The following SHISAL1 variants were observed in gnomAD, a reference collection of about 807,000 sequenced individuals.
SHISAL1 encodes shisa like 1, also known as protein shisa-like-1.
SHISAL1 carries 9 observed loss-of-function variants against 22.6 expected under a neutral mutation model. That is an observed-to-expected ratio of 0.40 (90% CI 0.24 to 0.70). The LOEUF is 0.70. SHISAL1 is among the 30% of genes least tolerant of loss of function. The pLI is 0.39. For missense variants in SHISAL1, 246 were observed against 270.6 expected (o/e 0.91, Z 0.64); for synonymous variants, 119 against 115.4 (o/e 1.03, Z -0.20).
chr22:44,313,033 C>A (rs1282600313), upstream of SHISAL1, among the ~76,000 whole-genome samples: 1 of 152,198 alleles, frequency 6.6e-6, no homozygotes, highest in Non-Finnish European at 1.5e-5. Context: ...AGGGCCGCCA[C>A]CTCCCAGGCC....
At chr22:44,254,474 C>T (rs2055070973) in intron 4 of SHISAL1, among the ~76,000 whole-genome samples, 1 of 152,102 alleles carries the variant, frequency 6.6e-6, no homozygotes, top group African/African-American at 2.4e-5. Context: ...GATTCCCCTG[C>T]CCTAGCCTCC....
At chr22:44,257,760 C>T (rs1297301079) in intron 4 of SHISAL1, among the ~76,000 whole-genome samples, 2 of 152,242 alleles carry the variant, frequency 1.3e-5, no homozygotes, top group Non-Finnish European at 1.5e-5. Flanking sequence ...TCTCTGCATG[C>T]ACTTCCCGAA....
chr22:44,286,257 G>C (rs1431717362), intron 3 of SHISAL1, among the ~76,000 whole-genome samples: 2 of 152,170 alleles, frequency 1.3e-5, no homozygotes, highest in African/African-American at 4.8e-5. Flanking sequence ...ATCAGGTTCT[G>C]CCCTCTAGAC....
In SHISAL1 at chr22:44,249,698, CA is replaced by C. The variant is rs1180070216; in HGVS notation, c.*-14del. On this transcript the variant is annotated splice_polypyrimidine_tract_variant and intron_variant, in intron 4 of 4. Transcript: ENST00000381176. ...GCAAAAGCGTTTTCTGGAGGAAATA[CA>C]AGGAAAAAAAGTATCACATGGTGTC... 1.3e-6 allele frequency: 1 copy of C among 778,704 alleles called. No homozygotes were observed. The highest frequency in any genetic ancestry group is 2.4e-6 in the Non-Finnish European group (1 of 417,978). 48.2% of individuals were successfully genotyped at this position (778,704 alleles called of 1,614,324 possible).
Position 44,243,728 on chromosome 22 carries a change from T to C in SHISAL1, c.*5957A>G, listed in dbSNP as rs1483877792. The C allele has an allele frequency of 6.6e-6, 1 of 152,194 alleles. No individual in the cohort carries two copies. The highest frequency in any genetic ancestry group is 1.5e-5 in the Non-Finnish European group (1 of 68,042). 9.4% of individuals were successfully genotyped at this position (152,194 alleles called of 1,614,324 possible). A position where few individuals can be genotyped will look rare whatever the true frequency, so the allele number is the denominator to read the frequency against. ...AGGGACATTGTTATAAAAACTACTG[T>C]ATATAAAGACAAAAGCAGAGCAACA... On this transcript the variant is annotated 3_prime_UTR_variant, in exon 5 of 5. Coordinates refer to ENST00000381176, the MANE Select transcript of SHISAL1 (RefSeq NM_001099294.2).
intron 4 of SHISAL1, among the ~76,000 whole-genome samples, chr22:44,268,696 G>A (rs1246412640): frequency 6.6e-6 from 1 of 152,186 alleles, no homozygotes; most frequent in Non-Finnish European, 1.5e-5. Flanking sequence ...CCTCGGGAAG[G>A]AGCGTGACCT....
At chr22:44,286,903 A>G (rs1221142058) in intron 3 of SHISAL1, among the ~76,000 whole-genome samples, 1 of 152,230 alleles carries the variant, frequency 6.6e-6, no homozygotes, top group East Asian at 1.9e-4. Flanking sequence ...TCCCTGCTGC[A>G]GGCATGTGTT....
intron 3 of SHISAL1, among the ~76,000 whole-genome samples, chr22:44,288,025 C>T (rs967207992): frequency 1.7e-5 from 2 of 120,936 alleles, no homozygotes; most frequent in African/African-American, 5.1e-5. Flanking sequence ...GGCTGGGCCA[C>T]AGGCTGGGCC....
chr22:44,272,426 T>A (rs1174237971), intron 4 of SHISAL1, among the ~76,000 whole-genome samples: 1 of 152,220 alleles, frequency 6.6e-6, no homozygotes. Flanking sequence ...GCCTTTTTCA[T>A]CTTTCTGTTC....
rs1395561144 is a variant in SHISAL1, at chr22:44,249,487, CCCAGCCCCTACCCCTGAGTTT to C, written c.*177_*197del. The C allele has an allele frequency of 3.8e-6, 2 of 522,998 alleles. No homozygotes were observed. Among genetic ancestry groups the C allele is most frequent in the Non-Finnish European group, 3.5e-6 (1 of 284,236 alleles). 32.4% of individuals were successfully genotyped at this position (522,998 alleles called of 1,614,324 possible). ...GGCTCAGAATCCCCTCCCCTGCACC[CCCAGCCCCTACCCCTGAGTTT>C]GCTCCTAATCTTAGAAGTCCGCGGA... is the stretch of plus-strand genomic sequence containing the variant. On this transcript the variant is annotated 3_prime_UTR_variant, in exon 5 of 5. Transcript: ENST00000381176.
At chr22:44,322,038 C>T in the SHISAL1 span, among the ~76,000 whole-genome samples, 4 of 152,196 alleles carry the variant, frequency 2.6e-5, no homozygotes, top group African/African-American at 9.6e-5. Flanking sequence ...AGGCCCCACA[C>T]CAGCACCCCT....
chr22:44,302,297 G>A (rs1358449803), intron 1 of SHISAL1, among the ~76,000 whole-genome samples: 2 of 140,236 alleles, frequency 1.4e-5, no homozygotes, highest in African/African-American at 2.7e-5. Flanking sequence ...CTGAGATCAC[G>A]CCATTGCACT....
intron 4 of SHISAL1, among the ~76,000 whole-genome samples, chr22:44,269,385 A>T (rs2743846): frequency 1.4e-5 from 2 of 147,592 alleles, no homozygotes; most frequent in African/African-American, 5.1e-5. Flanking sequence ...ACACACCATG[A>T]CACACAGACA....
In SHISAL1 at chr22:44,266,205, A is replaced by T. The variant is rs76658100; in HGVS notation, c.*-16520T>A. Among the ~76,000 whole-genome samples, 1,205 of 152,354 alleles carry T rather than the reference A, an allele frequency of 7.9e-3. 24 individuals are homozygous for T. Among genetic ancestry groups the T allele is most frequent in the African/African-American group, 0.028 (1,152 of 41,570 alleles). ...GAGGACATGAGACAGTACATGTAAC[A>T]ACGCTTGGCACACAGAAAGCACTCA... is the stretch of plus-strand genomic sequence containing the variant. On this transcript the variant is annotated intron_variant, in intron 4 of 4. Coordinates refer to ENST00000381176, the MANE Select transcript of SHISAL1 (RefSeq NM_001099294.2).
intron 2 of SHISAL1, among the ~76,000 whole-genome samples, 167 bp downstream of exon 2, chr22:44,300,712 C>A (rs1161952446): frequency 1.3e-5 from 2 of 152,150 alleles, no homozygotes; most frequent in Non-Finnish European, 2.9e-5. Context: ...AGAGACCAAC[C>A]ACACAGCAAC....
At chr22:44,264,763 C>T (rs1484758255) in intron 4 of SHISAL1, among the ~76,000 whole-genome samples, 3 of 151,568 alleles carry the variant, frequency 2.0e-5, no homozygotes, top group Non-Finnish European at 4.4e-5. Context: ...TGATCTTGGA[C>T]GAGGTCCCCA....
chr22:44,253,574 G>A (rs1277369337), intron 4 of SHISAL1, among the ~76,000 whole-genome samples: 1 of 151,072 alleles, frequency 6.6e-6, no homozygotes, highest in Non-Finnish European at 1.5e-5. Flanking sequence ...GATAACAGGT[G>A]CTCAACCACC....
intron 4 of SHISAL1, among the ~76,000 whole-genome samples, chr22:44,275,671 A>G (rs1458336297): frequency 2.0e-5 from 3 of 152,174 alleles, no homozygotes; most frequent in Non-Finnish European, 4.4e-5. Context: ...TTTGGAGTCC[A>G]CCAGACCTGG....
At chr22:44,323,081 CCCAT>C in the SHISAL1 span, among the ~76,000 whole-genome samples, 151 of 129,244 alleles carry the variant, frequency 1.2e-3, no homozygotes, top group African/African-American at 2.6e-3. Flanking sequence ...CACCCATCCA[CCCAT>C]CCATCCATCC....
Sources: gnomAD v4.1 joint callset for allele counts (sites outside exome capture counted in the v4.1 genomes callset) on GRCh38, gnomAD v4.1.1 for gene constraint, MANE v1.5 for transcripts, NCBI Gene and HGNC (gene_info 2026-07-23, HGNC 2026-07-21) for gene names.